The following STEAP1 variants were observed in gnomAD, a reference collection of about 807,000 sequenced individuals.
The protein encoded by STEAP1 is STEAP1 protein.
In STEAP1, 30 loss-of-function variants were observed where a neutral mutation model predicts 34.4. The ratio of observed to expected loss-of-function variants is 0.87; its 90% CI spans 0.65 to 1.18. The LOEUF is 1.18. Among genes scored for constraint, STEAP1 ranks in the 50% most tolerant of loss-of-function variants. The probability of loss-of-function intolerance (pLI) is 0.00; values close to 1 mark genes in which losing one functional copy is unlikely to be tolerated. For missense variants in STEAP1, 318 were observed against 391.1 expected, an observed-to-expected ratio of 0.81 and a Z score of 1.58; for synonymous variants, 116 against 135.3, an observed-to-expected ratio of 0.86 and a Z score of 0.99.
At chr7:90,156,941 T>A (rs1242563523) in intron 1 of STEAP1, among the ~76,000 whole-genome samples, 1 of 152,194 alleles carries the variant, frequency 6.6e-6, no homozygotes, top group African/African-American at 2.4e-5. Context: ...AGGTATTTCT[T>A]TATAGCAGTG....
chr7:90,160,428 T>C (rs1397379246), intron 2 of STEAP1, among the ~76,000 whole-genome samples: 3 of 151,786 alleles, frequency 2.0e-5, no homozygotes, highest in African/African-American at 7.3e-5. Flanking sequence ...GAAATTTTGG[T>C]TCCAAACTTC....
chr7:90,155,843 G>C (rs182988029), intron 1 of STEAP1, among the ~76,000 whole-genome samples: 57 of 152,284 alleles, frequency 3.7e-4, no homozygotes, highest in Admixed American at 1.2e-3. Flanking sequence ...GACTCCGTTT[G>C]TAGTGGCCAT....
At chr7:90,162,876 C>T (rs1794205290) in intron 4 of STEAP1, 2 of 220,968 alleles carry the variant, frequency 9.1e-6, no homozygotes, top group Admixed American at 4.4e-5. Flanking sequence ...CTGCTTTTTC[C>T]AGCTTACATT....
At chr7:90,157,401 T>G (rs1208422854) in intron 1 of STEAP1, among the ~76,000 whole-genome samples, 4 of 152,200 alleles carry the variant, frequency 2.6e-5, no homozygotes, top group Admixed American at 2.6e-4. Context: ...AACAAAATGT[T>G]AAAGACATCT....
chr7:90,160,216 GTCA>G (rs1794165683), intron 2 of STEAP1, among the ~76,000 whole-genome samples: 2 of 150,406 alleles, frequency 1.3e-5, no homozygotes, highest in African/African-American at 4.9e-5. Flanking sequence ...AAAAAAAAAA[GTCA>G]TCAATGCCCA....
chr7:90,161,676 T>C (rs1794188995), intron 3 of STEAP1, among the ~76,000 whole-genome samples: 1 of 151,596 alleles, frequency 6.6e-6, no homozygotes, highest in East Asian at 1.9e-4. Context: ...AAGTAAACCA[T>C]CAAATAATTA....
Position 90,164,792 on chromosome 7 carries a change from A to C in STEAP1, c.*58A>C. The C allele has an allele frequency of 2.7e-5, 39 of 1,449,004 alleles. No homozygotes were observed. Among genetic ancestry groups the C allele is most frequent in the Non-Finnish European group, 3.5e-5 (38 of 1,086,024 alleles). 89.8% of individuals were successfully genotyped at this position (1,449,004 alleles called of 1,614,324 possible). On this transcript the variant is annotated 3_prime_UTR_variant, in exon 5 of 5. Coordinates refer to ENST00000297205, the MANE Select transcript of STEAP1 (RefSeq NM_012449.3). ...TGATATATTTTATCACCAACATTTC[A>C]AGTTTGTATTTGTTAATAAAATGAT...
At position 90,164,708 on chromosome 7, in the gene STEAP1, A is replaced by C; in HGVS notation, c.994A>C (p.Lys332Gln). 6.2e-7 allele frequency: 1 copy of C among 1,612,954 alleles called. No individual in the cohort carries two copies. The highest frequency in any genetic ancestry group is 1.1e-5 in the South Asian group (1 of 90,922). ...HGWEDVTKIN[K>Q]TEICSQL Reference sequence around the variant, plus strand: ...TTGGGAAGACGTCACCAAAATTAACAAAACTGAGATATGTTCCCAGTTGTA... The same window carrying C: ...TTGGGAAGACGTCACCAAAATTAACCAAACTGAGATATGTTCCCAGTTGTA... The change falls in exon 5 of 5, where the codon AAA becomes CAA. Residue 332 changes from lysine to glutamine, a missense_variant. Lys to Gln is a moderately conservative substitution (Grantham distance 53, BLOSUM62 1). Transcript: ENST00000297205.
intron 4 of STEAP1, among the ~76,000 whole-genome samples, chr7:90,164,143 CA>C (rs1794219602): frequency 6.6e-6 from 1 of 152,164 alleles, no homozygotes; most frequent in African/African-American, 2.4e-5. Context: ...AGAATTAAGA[CA>C]AATACACAAG....
At chr7:90,161,339 T>A in intron 3 of STEAP1, 22 bp downstream of exon 3, 1 of 1,583,226 alleles carries the variant, frequency 6.3e-7, no homozygotes, top group Non-Finnish European at 8.6e-7. Context: ...GTGTTGACAC[T>A]GTTACTAATA....
At position 90,160,847 on chromosome 7, in the gene STEAP1, C is replaced by T. The variant is rs761458488; in HGVS notation, c.127C>T (p.Leu43Phe). The T allele has an allele frequency of 4.3e-6, 7 of 1,613,880 alleles. No individual in the cohort carries two copies. In the Admixed American group the frequency reaches 8.3e-5, roughly 19 times the overall value. The change falls in exon 3 of 5, where the codon CTT (leucine) becomes TTT (phenylalanine). Residue 43 changes from leucine (L) to phenylalanine (F), a missense_variant. Coordinates refer to ENST00000297205, the MANE Select transcript of STEAP1 (RefSeq NM_012449.3). The part of the protein sequence containing the change: ...GETSMLKRPV[L>F]LHLHQTAHAD... ...GACCAGCATGCTAAAAAGACCTGTG[C>T]TTTTGCATTTGCACCAAACAGCCCA...
chr7:90,156,558 C>T (rs1298537817), intron 1 of STEAP1, among the ~76,000 whole-genome samples: 1 of 152,232 alleles, frequency 6.6e-6, no homozygotes, highest in Non-Finnish European at 1.5e-5. Context: ...CACCTCCTGT[C>T]AGATGAACAG....
chr7:90,160,066 G>A (rs1336088245), intron 2 of STEAP1, among the ~76,000 whole-genome samples, 194 bp downstream of exon 2: 3 of 152,126 alleles, frequency 2.0e-5, no homozygotes, highest in Non-Finnish European at 4.4e-5. Flanking sequence ...TTCACTGATT[G>A]TCAGGGACTT....
At position 90,159,832 on chromosome 7, in the gene STEAP1, A is replaced by G. The variant is rs1315079636; in HGVS notation, c.44A>G (p.Lys15Arg). Residue 15 changes from lysine (K) to arginine (R), a missense_variant, in exon 2 of 5, where the codon AAA (lysine) becomes AGA (arginine). Transcript: ENST00000297205. ...ATCACAAACCAAGAAGAACTTTGGA[A>G]AATGAAGCCTAGGAGAAATTTAGAA... ...KDITNQEELWKMKPRRNLEED... is the reference protein window; with the variant it reads ...KDITNQEELWRMKPRRNLEED... The G allele has an allele frequency of 6.4e-7, 1 of 1,567,768 alleles. No homozygotes were observed. The highest frequency in any genetic ancestry group is 8.6e-7 in the Non-Finnish European group (1 of 1,158,910).
intron 4 of STEAP1, among the ~76,000 whole-genome samples, chr7:90,163,447 A>G (rs1794211580): frequency 6.6e-6 from 1 of 152,250 alleles, no homozygotes; most frequent in Non-Finnish European, 1.5e-5. Flanking sequence ...TAATAGGTAT[A>G]CAATACACAT....
At chr7:90,159,713 T>C in intron 1 of STEAP1, 45 bp from the exon 2 acceptor site, 1 of 1,101,772 alleles carries the variant, frequency 9.1e-7, no homozygotes, top group Non-Finnish European at 1.2e-6. Flanking sequence ...AACATTCACA[T>C]CATAAGTAGA....
Position 90,159,891 on chromosome 7 carries a change from C to A in STEAP1, c.84+19C>A. ...TTATTTGGTAAAATATTAATAATAA[C>A]AATAATAAATAATAATTTACATCTT... On this transcript the variant is annotated intron_variant, in intron 2 of 4. Coordinates refer to ENST00000297205, the MANE Select transcript of STEAP1 (RefSeq NM_012449.3). The A allele has an allele frequency of 2.1e-6, 3 of 1,404,318 alleles. No homozygotes were observed. The highest frequency in any genetic ancestry group is 2.9e-6 in the Non-Finnish European group (3 of 1,045,034). The allele number at this position is 1,404,318 out of a possible 1,614,324, so 87.0% of individuals were successfully genotyped here. A position where few individuals can be genotyped will look rare whatever the true frequency, so the allele number is the denominator to read the frequency against.
At chr7:90,157,959 G>C (rs1405206572) in intron 1 of STEAP1, among the ~76,000 whole-genome samples, 1 of 152,146 alleles carries the variant, frequency 6.6e-6, no homozygotes, top group Non-Finnish European at 1.5e-5. Context: ...AGGCTAGATG[G>C]TATAGTCTAT....
rs1794232666 is a variant in STEAP1, at chr7:90,164,728, G to C, written c.1014G>C (p.Gln338His). ...TTAACAAAACTGAGATATGTTCCCA[G>C]TTGTAGAATTACTGTTTACACACAT... The part of the protein sequence containing the change: ...TKINKTEICS[Q>H]L The change falls in exon 5 of 5, where the codon CAG becomes CAC. Residue 338 changes from glutamine to histidine, a missense_variant. Coordinates refer to ENST00000297205, the MANE Select transcript of STEAP1 (RefSeq NM_012449.3). 1 of 1,608,100 alleles carries C rather than the reference G, an allele frequency of 6.2e-7. No homozygotes were observed. The highest frequency in any genetic ancestry group is 8.5e-7 in the Non-Finnish European group (1 of 1,177,440).
Sources: gnomAD v4.1 joint callset for allele counts (sites outside exome capture counted in the v4.1 genomes callset) on GRCh38, gnomAD v4.1.1 for gene constraint, MANE v1.5 for transcripts, NCBI Gene and HGNC (gene_info 2026-07-23, HGNC 2026-07-21) for gene names.